LY96: variants seen among roughly 807,000 people sequenced by gnomAD.
LY96 encodes the protein myeloid differentiation protein-2.
Under a neutral mutation model 18.9 loss-of-function variants are expected in LY96, and 18 were observed. The ratio of observed to expected loss-of-function variants is 0.95; its 90% CI spans 0.66 to 1.41. The LOEUF is 1.41. Ranked by LOEUF, LY96 falls within the 40% of genes most tolerant of loss-of-function variation. LY96 has a pLI of 0.00. For synonymous variants in LY96, 66 were observed against 62.6 expected (o/e 1.06, Z -0.26); for missense variants, 175 against 182.4 (o/e 0.96, Z 0.23).
At chr8:74,014,832 C>CACAT (rs1816609307) in intron 3 of LY96, among the ~76,000 whole-genome samples, 1 of 151,796 alleles carries the variant, frequency 6.6e-6, no homozygotes, top group Admixed American at 6.6e-5. Flanking sequence ...CACACACACA[C>CACAT]ACACACACAC....
chr8:74,001,486 C>T (rs1396018344), intron 1 of LY96, among the ~76,000 whole-genome samples: 1 of 152,180 alleles, frequency 6.6e-6, no homozygotes, highest in East Asian at 1.9e-4. Context: ...ACCTTGGCCT[C>T]CCCAAAGTGC....
intron 3 of LY96, among the ~76,000 whole-genome samples, chr8:74,016,992 C>G (rs976189112): frequency 2.0e-5 from 3 of 152,226 alleles, no homozygotes; most frequent in Non-Finnish European, 4.4e-5. Flanking sequence ...CAGAGTGTCT[C>G]TTCTCCAAAG....
chr8:74,042,876 AAG>A, the LY96 span, among the ~76,000 whole-genome samples: 1 of 151,528 alleles, frequency 6.6e-6, no homozygotes, highest in South Asian at 2.1e-4. Context: ...TCCCGTGTTC[AAG>A]AGATTCTCCT....
At chr8:74,029,219 T>C, downstream of LY96, 1 of 575,742 alleles carries the variant, frequency 1.7e-6, no homozygotes, top group Non-Finnish European at 3.1e-6. Flanking sequence ...GCATGGTGCA[T>C]CATGCAGAGC....
At chr8:74,013,123 AT>A (rs941392077) in intron 3 of LY96, among the ~76,000 whole-genome samples, 4 of 150,668 alleles carry the variant, frequency 2.7e-5, no homozygotes, top group African/African-American at 7.3e-5. Flanking sequence ...TGTCCAGCTA[AT>A]TTTTTTTTCT....
At chr8:74,000,891 G>A (rs569016057) in intron 1 of LY96, among the ~76,000 whole-genome samples, 2 of 152,234 alleles carry the variant, frequency 1.3e-5, no homozygotes, top group Non-Finnish European at 2.9e-5. Context: ...GTCAGGGGTG[G>A]GGAAGGAGGC....
the LY96 span, among the ~76,000 whole-genome samples, chr8:74,099,216 C>T: frequency 2.0e-5 from 3 of 152,194 alleles, no homozygotes; most frequent in Admixed American, 2.0e-4. Context: ...CAGACCTTCT[C>T]TTGGCCATGG....
the LY96 span, among the ~76,000 whole-genome samples, chr8:74,069,478 A>T: frequency 6.6e-6 from 1 of 152,240 alleles, no homozygotes; most frequent in Admixed American, 6.5e-5. Context: ...CGTGACCAGG[A>T]AGAAATATGT....
intron 2 of LY96, among the ~76,000 whole-genome samples, chr8:74,006,177 G>T (rs962598723): frequency 3.9e-5 from 6 of 152,072 alleles, no homozygotes; most frequent in African/African-American, 1.2e-4. Flanking sequence ...TGAATTCATT[G>T]ATAAGATATT....
the LY96 span, among the ~76,000 whole-genome samples, chr8:74,088,138 TAGAATAGAATAGAAA>T: frequency 3.4e-5 from 5 of 149,160 alleles, no homozygotes; most frequent in Admixed American, 6.6e-5. Context: ...TAGAATAGAA[TAGAATAGAATAGAAA>T]AGAATAGAAA....
At chr8:74,095,877 C>T in the LY96 span, among the ~76,000 whole-genome samples, 2 of 152,324 alleles carry the variant, frequency 1.3e-5, no homozygotes, top group African/African-American at 4.8e-5. Context: ...CCCTGAATTC[C>T]AGACTCACAG....
chr8:74,070,965 AT>A, the LY96 span, among the ~76,000 whole-genome samples: 4 of 152,160 alleles, frequency 2.6e-5, no homozygotes, highest in Admixed American at 2.6e-4. Flanking sequence ...AGTGTCAAGC[AT>A]TTTACTACAT....
At chr8:73,993,392 C>G (rs942288247) in intron 1 of LY96, among the ~76,000 whole-genome samples, 8 of 152,158 alleles carry the variant, frequency 5.3e-5, no homozygotes. Context: ...CCTCCCAGCT[C>G]AGCCTTCCAA....
the LY96 span, among the ~76,000 whole-genome samples, chr8:74,076,485 G>A: frequency 6.6e-6 from 1 of 151,870 alleles, no homozygotes; most frequent in African/African-American, 2.4e-5. Context: ...CATCATACCC[G>A]GCTAATATTT....
chr8:74,022,348 G>A (rs1816782650), intron 3 of LY96, among the ~76,000 whole-genome samples: 1 of 151,648 alleles, frequency 6.6e-6, no homozygotes, highest in Non-Finnish European at 1.5e-5. Context: ...CAGAGGTTGC[G>A]GTGAGCCAAG....
intron 3 of LY96, among the ~76,000 whole-genome samples, chr8:74,020,145 T>C (rs140252643): frequency 6.6e-6 from 1 of 152,208 alleles, no homozygotes; most frequent in Non-Finnish European, 1.5e-5. Context: ...TGTTTTCAGA[T>C]GACATGATTG....
the LY96 span, among the ~76,000 whole-genome samples, chr8:74,067,543 TG>T: frequency 0.046 from 7,055 of 152,182 alleles, 407 homozygotes; most frequent in African/African-American, 0.13. Flanking sequence ...TGTTAGAGTT[TG>T]ACACAGTGAC....
chr8:74,029,019 G>T lies in LY96; in HGVS notation c.448G>T (p.Glu150Ter). Residue 150 changes from glutamate to a stop codon, truncating the protein, a stop_gained, in exon 5 of 5, where the codon GAG becomes TAG. Transcript: ENST00000284818. LOFTEE classifies it high-confidence loss of function. Reference sequence around the variant, plus strand: ...CCCAGAAGAAATGCTCTTTTGCTTGGAGTTTGTCATCCTACACCAACCTAA... The same window carrying T: ...CCCAGAAGAAATGCTCTTTTGCTTGTAGTTTGTCATCCTACACCAACCTAA... Reference protein sequence around the residue: ...GSPEEMLFCLEFVILHQPNSN With the variant: ...GSPEEMLFCL 6.2e-7 allele frequency: 1 copy of T among 1,611,774 alleles called. No individual in the cohort carries two copies. Among genetic ancestry groups the T allele is most frequent in the Non-Finnish European group, 8.5e-7 (1 of 1,178,622 alleles).
the LY96 span, among the ~76,000 whole-genome samples, chr8:74,058,389 TATC>T: frequency 6.6e-6 from 1 of 152,174 alleles, no homozygotes; most frequent in African/African-American, 2.4e-5. Flanking sequence ...CTTTTGAAAA[TATC>T]ATCCACTGCA....
Sources: allele counts gnomAD v4.1 joint callset (sites outside exome capture counted in the v4.1 genomes callset), GRCh38; gene constraint gnomAD v4.1.1; transcripts MANE v1.5; gene names NCBI Gene and HGNC (gene_info 2026-07-23, HGNC 2026-07-21).